The following CADM2 variants were observed in gnomAD, a reference collection of about 807,000 sequenced individuals.
The protein encoded by CADM2 is immunoglobulin superfamily member 4D.
A neutral mutation model predicts 49.8 loss-of-function variants in CADM2; 12 were observed. The observed-to-expected ratio is 0.24, with a 90% CI of 0.15 to 0.39. The LOEUF (loss-of-function observed/expected upper bound fraction) is 0.39. Among genes scored for constraint, CADM2 ranks in the 10% least tolerant of loss-of-function variants. The probability of loss-of-function intolerance (pLI) is 1.00; values close to 1 mark genes in which losing one functional copy is unlikely to be tolerated. For missense variants in CADM2, 378 were observed against 492.3 expected, an observed-to-expected ratio of 0.77 and a Z score of 2.20; for synonymous variants, 214 against 175.4, an observed-to-expected ratio of 1.22 and a Z score of -1.74.
At chr3:85,877,684 G>GTTTTTTTTTTTTTTT (rs368101272) in intron 3 of CADM2, among the ~76,000 whole-genome samples, 78 of 111,972 alleles carry the variant, frequency 7.0e-4, no homozygotes, top group African/African-American at 1.5e-3. Flanking sequence ...TTTTTCTTCT[G>GTTTTTTTTTTTTTTT]TTTTTTTTTT....
chr3:85,590,852 T>A (rs1465653733), intron 1 of CADM2, among the ~76,000 whole-genome samples: 1 of 151,886 alleles, frequency 6.6e-6, no homozygotes, highest in Non-Finnish European at 1.5e-5. Flanking sequence ...CAAAAAAGGA[T>A]AATTTTAGGT....
chr3:85,071,417 TAC>T (rs1348289573), intron 1 of CADM2, among the ~76,000 whole-genome samples: 1 of 151,928 alleles, frequency 6.6e-6, no homozygotes, highest in Non-Finnish European at 1.5e-5. Flanking sequence ...AAATTCCTTT[TAC>T]AGTCAGTTTT....
chr3:86,033,391 A>G (rs891686939), intron 8 of CADM2, among the ~76,000 whole-genome samples: 2 of 151,926 alleles, frequency 1.3e-5, no homozygotes, highest in African/African-American at 4.8e-5. Flanking sequence ...GAAATTTTAT[A>G]TATAAGATAC....
intron 3 of CADM2, among the ~76,000 whole-genome samples, chr3:85,854,675 T>A (rs541119813): frequency 9.2e-5 from 14 of 152,084 alleles, no homozygotes; most frequent in Non-Finnish European, 2.1e-4. Context: ...AAATACCTGA[T>A]GTAGATGACG....
chr3:85,769,610 AT>A (rs1373074261), intron 2 of CADM2, among the ~76,000 whole-genome samples: 1 of 100,070 alleles, frequency 1.0e-5, no homozygotes, highest in African/African-American at 3.2e-5. Flanking sequence ...ATATATACAT[AT>A]ATACATATAT....
chr3:85,119,316 G>A lies in CADM2; in HGVS notation c.61+159648G>A, dbSNP rs183384988. Among the ~76,000 whole-genome samples the A allele has an allele frequency of 1.6e-4, 25 of 152,182 alleles. No homozygotes were observed. The East Asian group carries it at 4.7e-3, about 28-fold the overall frequency. The stretch of plus-strand genomic sequence containing the variant: ...ACCAGCTACCCCGGAGCCTGAGGTG[G>A]CATTATTTCTGAAACCTTTGTTCTG... On this transcript the variant is annotated intron_variant, in intron 1 of 9. Transcript: ENST00000383699.
intron 1 of CADM2, among the ~76,000 whole-genome samples, chr3:85,667,895 G>T (rs183675727): frequency 3.3e-5 from 5 of 152,108 alleles, no homozygotes; most frequent in Admixed American, 2.0e-4. Context: ...ACATCAGGAA[G>T]ATAAGAGATA....
At chr3:85,566,287 G>A (rs541191563) in intron 1 of CADM2, among the ~76,000 whole-genome samples, 1 of 152,006 alleles carries the variant, frequency 6.6e-6, no homozygotes, top group Non-Finnish European at 1.5e-5. Flanking sequence ...ATAGAAATTT[G>A]AAAGTAGATG....
At chr3:86,006,169 CAACA>C in intron 8 of CADM2, among the ~76,000 whole-genome samples, 1 of 152,276 alleles carries the variant, frequency 6.6e-6, no homozygotes, top group Non-Finnish European at 1.5e-5. Flanking sequence ...AACAGTGCTA[CAACA>C]AACAAAGGAC....
intron 2 of CADM2, among the ~76,000 whole-genome samples, chr3:85,764,728 A>C (rs993437505): frequency 2.0e-5 from 3 of 152,070 alleles, no homozygotes; most frequent in Non-Finnish European, 4.4e-5. Flanking sequence ...ACTCCTAAAG[A>C]AATTGCAAGT....
intron 1 of CADM2, among the ~76,000 whole-genome samples, chr3:85,462,017 A>G (rs1169064865): frequency 6.6e-6 from 1 of 152,156 alleles, no homozygotes; most frequent in African/African-American, 2.4e-5. Context: ...TTAGATAGAA[A>G]CATTAACAGG....
At chr3:85,461,774 A>G (rs1472134220) in intron 1 of CADM2, among the ~76,000 whole-genome samples, 5 of 152,208 alleles carry the variant, frequency 3.3e-5, no homozygotes, top group Admixed American at 2.0e-4. Flanking sequence ...TTTGAAAGAA[A>G]GACAGAAAAA....
intron 1 of CADM2, among the ~76,000 whole-genome samples, chr3:85,409,719 T>A (rs1305737894): frequency 1.3e-5 from 2 of 152,042 alleles, no homozygotes; most frequent in Non-Finnish European, 2.9e-5. Flanking sequence ...GATGATAAAG[T>A]CACTTTTAAT....
At chr3:86,006,201 C>A (rs992027156) in intron 8 of CADM2, among the ~76,000 whole-genome samples, 2 of 152,124 alleles carry the variant, frequency 1.3e-5, no homozygotes, top group East Asian at 1.9e-4. Flanking sequence ...TATTTTACTA[C>A]CCAATTTTTG....
chr3:85,032,572 C>T (rs1459632691), intron 1 of CADM2, among the ~76,000 whole-genome samples: 1 of 152,110 alleles, frequency 6.6e-6, no homozygotes, highest in Non-Finnish European at 1.5e-5. Context: ...ATTTTCTCTT[C>T]AGTAGTATAT....
intron 1 of CADM2, among the ~76,000 whole-genome samples, chr3:85,212,851 TTTCTTTCTTTCTTTCTTTC>T (rs1302484571): frequency 8.0e-6 from 1 of 124,416 alleles, no homozygotes; most frequent in East Asian, 2.1e-4. Flanking sequence ...TCTTTCTTTC[TTTCTTTCTTTCTTTCTTTC>T]TTTCTTTCTT....
chr3:85,648,348 A>T (rs2064950854), intron 1 of CADM2, among the ~76,000 whole-genome samples: 1 of 151,932 alleles, frequency 6.6e-6, no homozygotes. Context: ...TGAGCAGCTG[A>T]ATGTTGTAAT....
At chr3:85,533,906 A>G (rs370980750) in intron 1 of CADM2, among the ~76,000 whole-genome samples, 17 of 152,228 alleles carry the variant, frequency 1.1e-4, no homozygotes, top group Non-Finnish European at 2.1e-4. Context: ...CTTTCCACAG[A>G]CAGGCTATTT....
chr3:85,449,099 A>C (rs1353112658), intron 1 of CADM2, among the ~76,000 whole-genome samples: 1 of 148,502 alleles, frequency 6.7e-6, no homozygotes, highest in Non-Finnish European at 1.5e-5. Context: ...ATAATTCATT[A>C]TACCATCTTT....
Sources: allele counts gnomAD v4.1 joint callset (sites outside exome capture counted in the v4.1 genomes callset), GRCh38; gene constraint gnomAD v4.1.1; transcripts MANE v1.5; gene names NCBI Gene and HGNC (gene_info 2026-07-23, HGNC 2026-07-21).